The following EVI5 variants were observed in gnomAD, a reference collection of about 807,000 sequenced individuals.
EVI5 encodes ecotropic viral integration site 5 protein homolog.
Under a neutral mutation model 112.0 loss-of-function variants are expected in EVI5, and 73 were observed. The ratio of observed to expected loss-of-function variants is 0.65; its 90% confidence interval spans 0.54 to 0.79. The LOEUF (loss-of-function observed/expected upper bound fraction) is 0.79, where lower values mean the gene tolerates loss of function less well. Among genes scored for constraint, EVI5 ranks in the 30% least tolerant of loss-of-function variants. EVI5 has a pLI of 0.00. For synonymous variants in EVI5, 305 were observed against 319.9 expected (o/e 0.95, Z 0.50); for missense variants, 900 against 968.8 (o/e 0.93, Z 0.94).
intron 9 of EVI5, among the ~76,000 whole-genome samples, chr1:92,684,664 C>G (rs759679200): frequency 2.2e-4 from 34 of 151,924 alleles, no homozygotes; most frequent in Non-Finnish European, 5.9e-5. Flanking sequence ...ACCCACCTCA[C>G]GTGCAAAGAC....
At chr1:92,720,896 AT>A (rs1674635437) in intron 2 of EVI5, among the ~76,000 whole-genome samples, 1 of 152,252 alleles carries the variant, frequency 6.6e-6, no homozygotes. Flanking sequence ...AAAAGAAGAC[AT>A]TTATGCAGCA....
At chr1:92,700,648 T>C (rs1671007765) in intron 5 of EVI5, among the ~76,000 whole-genome samples, 1 of 152,138 alleles carries the variant, frequency 6.6e-6, no homozygotes, top group Admixed American at 6.5e-5. Flanking sequence ...ATCCACAGGA[T>C]TCCTAGAGAG....
At chr1:92,646,617 G>C (rs1442810822) in intron 13 of EVI5, among the ~76,000 whole-genome samples, 1 of 152,150 alleles carries the variant, frequency 6.6e-6, no homozygotes, top group Admixed American at 6.5e-5. Context: ...TGTCTTGGTT[G>C]TTTTGTTCTT....
At chr1:92,624,355 T>C in intron 15 of EVI5, 21 bp from the exon 16 acceptor site, 1 of 1,602,144 alleles carries the variant, frequency 6.2e-7, no homozygotes, top group Non-Finnish European at 8.5e-7. Context: ...AAAAATTATA[T>C]TGCAACAAAT....
At chr1:92,659,962 T>C (rs79757002) in intron 13 of EVI5, among the ~76,000 whole-genome samples, 1,891 of 152,092 alleles carry the variant, frequency 0.012, 31 homozygotes, top group African/African-American at 0.042. Context: ...GAGGATATTA[T>C]CTTAAGTAAA....
At chr1:92,529,541 A>G (rs1662487728) in intron 19 of EVI5, among the ~76,000 whole-genome samples, 2 of 152,222 alleles carry the variant, frequency 1.3e-5, no homozygotes, top group African/African-American at 4.8e-5. Context: ...ATAAATATAA[A>G]AATAAATATT....
At chr1:92,641,050 C>T (rs1659862271) in intron 13 of EVI5, among the ~76,000 whole-genome samples, 1 of 152,118 alleles carries the variant, frequency 6.6e-6, no homozygotes, top group African/African-American at 2.4e-5. Flanking sequence ...GAGAGAACAA[C>T]ACACACCAGG....
intron 13 of EVI5, among the ~76,000 whole-genome samples, chr1:92,636,796 A>T (rs560737160): frequency 6.6e-6 from 1 of 152,324 alleles, no homozygotes; most frequent in African/African-American, 2.4e-5. Flanking sequence ...ATATGAAATA[A>T]AAAAATCTCA....
intron 1 of EVI5, among the ~76,000 whole-genome samples, chr1:92,776,635 C>CA (rs1684167472): frequency 7.3e-6 from 1 of 137,700 alleles, no homozygotes; most frequent in African/African-American, 2.7e-5. Context: ...ACCATCATGA[C>CA]TTTTTTTTTT....
chr1:92,706,721 A>G (rs1672026454), intron 2 of EVI5, among the ~76,000 whole-genome samples: 1 of 152,256 alleles, frequency 6.6e-6, no homozygotes, highest in South Asian at 2.1e-4. Context: ...TTCCGAGAAC[A>G]TTGAAATAGC....
At chr1:92,684,430 G>A (rs1422955891) in intron 9 of EVI5, among the ~76,000 whole-genome samples, 5 of 152,232 alleles carry the variant, frequency 3.3e-5, no homozygotes, top group South Asian at 2.1e-4. Context: ...AACAACTGGT[G>A]CCAGCCACTG....
At chr1:92,703,951 G>GAAAAAAAAAA (rs1558110377) in intron 3 of EVI5, 5 of 72,798 alleles carry the variant, frequency 6.9e-5, no homozygotes, top group Non-Finnish European at 4.9e-5. Flanking sequence ...AAAAAAAAAG[G>GAAAAAAAAAA]AAAATACTGT....
intron 1 of EVI5, among the ~76,000 whole-genome samples, chr1:92,757,907 C>CAAAAAAAAAA (rs71091299): frequency 1.4e-5 from 1 of 70,290 alleles, no homozygotes; most frequent in Non-Finnish European, 2.8e-5. Context: ...GACTCTGCCT[C>CAAAAAAAAAA]AAAAAAAAAA....
intron 16 of EVI5, chr1:92,622,380 G>T (rs1281555650): frequency 9.6e-6 from 4 of 415,870 alleles, no homozygotes; most frequent in Non-Finnish European, 1.9e-5. Flanking sequence ...CACAAAAACG[G>T]TAAGAACCTT....
chr1:92,722,799 C>A (rs1674969298), intron 2 of EVI5, among the ~76,000 whole-genome samples: 1 of 152,018 alleles, frequency 6.6e-6, no homozygotes, highest in Non-Finnish European at 1.5e-5. Flanking sequence ...AGGATTTGCT[C>A]AAAATCTTTC....
At chr1:92,752,303 T>G (rs1223731180) in intron 1 of EVI5, among the ~76,000 whole-genome samples, 1 of 152,002 alleles carries the variant, frequency 6.6e-6, no homozygotes, top group East Asian at 2.0e-4. Flanking sequence ...GCCTCCTGAG[T>G]ACCTGGAATT....
intron 19 of EVI5, among the ~76,000 whole-genome samples, chr1:92,553,067 A>G (rs1667183713): frequency 6.6e-6 from 1 of 152,130 alleles, no homozygotes; most frequent in African/African-American, 2.4e-5. Context: ...TTATGAATAT[A>G]ACATAAAACT....
intron 18 of EVI5, among the ~76,000 whole-genome samples, chr1:92,586,497 A>C (rs987007302): frequency 1.4e-5 from 2 of 146,874 alleles, no homozygotes; most frequent in Non-Finnish European, 3.0e-5. Flanking sequence ...ATACTTCAAA[A>C]TTTTTTTTTT....
At chr1:92,766,322 G>A (rs1682642960) in intron 1 of EVI5, among the ~76,000 whole-genome samples, 1 of 151,484 alleles carries the variant, frequency 6.6e-6, no homozygotes, top group African/African-American at 2.4e-5. Flanking sequence ...TTAAAAAAAG[G>A]ATATCCACAC....
Sources: gnomAD v4.1 joint callset for allele counts (sites outside exome capture counted in the v4.1 genomes callset) on GRCh38, gnomAD v4.1.1 for gene constraint, MANE v1.5 for transcripts, NCBI Gene and HGNC (gene_info 2026-07-23, HGNC 2026-07-21) for gene names.